The following ADGB variants were observed in gnomAD, a reference collection of about 807,000 sequenced individuals.
ADGB encodes the protein androglobin.
In ADGB, 172 loss-of-function variants were observed where a neutral mutation model predicts 210.5. The ratio of observed to expected loss-of-function variants is 0.82; its 90% CI spans 0.72 to 0.93. The LOEUF (loss-of-function observed/expected upper bound fraction) is 0.93, where lower values mean the gene tolerates loss of function less well. ADGB is among the 40% of genes least tolerant of loss of function. ADGB has a pLI of 0.00. For synonymous variants in ADGB, 658 were observed against 662.7 expected, an observed-to-expected ratio of 0.99 and a Z score of 0.11; for missense variants, 2,025 against 1,964.8, an observed-to-expected ratio of 1.03 and a Z score of -0.58.
At chr6:146,754,372 T>C (rs1777371578) in intron 27 of ADGB, among the ~76,000 whole-genome samples, 1 of 151,674 alleles carries the variant, frequency 6.6e-6, no homozygotes, top group African/African-American at 2.4e-5. Context: ...ATTTATAATC[T>C]ACTTTGTCAA....
chr6:146,726,232 T>C, intron 19 of ADGB, 35 bp downstream of exon 19: 1 of 1,417,004 alleles, frequency 7.1e-7, no homozygotes, highest in Non-Finnish European at 9.7e-7. Context: ...TATTTATTTA[T>C]TTATTTAGAG....
In ADGB at chr6:146,658,612, C is replaced by T. The variant is rs79553969; in HGVS notation, c.612+1632C>T. ...CCCTCCTTGGTTTTCAAATTTCCTC[C>T]TGCATAGGAGTTAACATTCATTAAC... On this transcript the variant is annotated intron_variant, in intron 5 of 35. Coordinates refer to ENST00000397944, the MANE Select transcript of ADGB (RefSeq NM_024694.4). Among the ~76,000 whole-genome samples, 307 of 152,264 alleles carry T rather than the reference C, an allele frequency of 2.0e-3. 7 individuals are homozygous for T. In the East Asian group the frequency reaches 0.033, roughly 16 times the overall value.
At chr6:146,729,327 T>C (rs1171224278) in intron 20 of ADGB, among the ~76,000 whole-genome samples, 1 of 152,238 alleles carries the variant, frequency 6.6e-6, no homozygotes, top group Non-Finnish European at 1.5e-5. Flanking sequence ...TTCTCTCTTC[T>C]TCAATTTTAT....
intron 8 of ADGB, among the ~76,000 whole-genome samples, chr6:146,673,100 C>A (rs1776038650): frequency 6.6e-6 from 1 of 152,140 alleles, no homozygotes; most frequent in African/African-American, 2.4e-5. Context: ...GACAGCGTGA[C>A]AAAATGTAGT....
chr6:146,632,641 C>G (rs1184844622), intron 1 of ADGB, among the ~76,000 whole-genome samples: 1 of 152,156 alleles, frequency 6.6e-6, no homozygotes, highest in Non-Finnish European at 1.5e-5. Context: ...GGCAGAAATA[C>G]AGCTCTGTTG....
At chr6:146,716,851 T>C in intron 14 of ADGB, 32 bp from the exon 15 acceptor site, 1 of 1,503,450 alleles carries the variant, frequency 6.7e-7, no homozygotes, top group African/African-American at 1.4e-5. Context: ...TATTTAACAA[T>C]ATAAGATGTG....
chr6:146,617,275 A>T (rs992706809), intron 1 of ADGB, among the ~76,000 whole-genome samples: 5 of 151,944 alleles, frequency 3.3e-5, no homozygotes, highest in Non-Finnish European at 5.9e-5. Flanking sequence ...AATGCTACCT[A>T]TTTTTGTATG....
chr6:146,714,830 G>A (rs1332843772), intron 13 of ADGB, among the ~76,000 whole-genome samples: 1 of 152,022 alleles, frequency 6.6e-6, no homozygotes, highest in Non-Finnish European at 1.5e-5. Context: ...GACATTACCT[G>A]TAATTAGCCT....
intron 28 of ADGB, among the ~76,000 whole-genome samples, chr6:146,765,189 C>A (rs1396515509): frequency 6.6e-6 from 1 of 151,818 alleles, no homozygotes; most frequent in East Asian, 1.9e-4. Context: ...CATATAGGCA[C>A]CTAATTATCT....
chr6:146,752,249 AAGAG>A (rs1268210014), intron 26 of ADGB, among the ~76,000 whole-genome samples: 1 of 151,950 alleles, frequency 6.6e-6, no homozygotes, highest in Non-Finnish European at 1.5e-5. Flanking sequence ...GAGCAGGAGT[AAGAG>A]AGAGAGAAAG....
intron 33 of ADGB, among the ~76,000 whole-genome samples, chr6:146,791,104 A>G (rs1322354025): frequency 6.6e-6 from 1 of 152,140 alleles, no homozygotes; most frequent in African/African-American, 2.4e-5. Context: ...CTCTTATCCA[A>G]TGTATGGTTT....
At chr6:146,610,217 A>G (rs752662922) in intron 1 of ADGB, among the ~76,000 whole-genome samples, 43 of 152,282 alleles carry the variant, frequency 2.8e-4, no homozygotes, top group Non-Finnish European at 4.9e-4. Context: ...TAAAATGGCT[A>G]TTTCATTTTT....
At chr6:146,727,542 A>G (rs1366412498) in intron 19 of ADGB, among the ~76,000 whole-genome samples, 2 of 152,146 alleles carry the variant, frequency 1.3e-5, no homozygotes, top group Non-Finnish European at 1.5e-5. Context: ...GTCTTCCTTT[A>G]GATAATTTAT....
chr6:146,712,815 G>A (rs533074180), intron 13 of ADGB, among the ~76,000 whole-genome samples: 41 of 152,158 alleles, frequency 2.7e-4, no homozygotes, highest in African/African-American at 9.6e-4. Flanking sequence ...CAGTTCAGTA[G>A]TATTGAATAC....
chr6:146,704,437 A>G (rs1436184982), intron 13 of ADGB, among the ~76,000 whole-genome samples: 1 of 152,000 alleles, frequency 6.6e-6, no homozygotes, highest in African/African-American at 2.4e-5. Flanking sequence ...TCATACATTC[A>G]GCATACATTC....
chr6:146,724,302 G>C lies in ADGB; in HGVS notation c.2212G>C (p.Ala738Pro), dbSNP rs757946854. 15 of 1,543,952 alleles carry C rather than the reference G, an allele frequency of 9.7e-6. No homozygotes were observed. Among genetic ancestry groups the C allele is most frequent in the African/African-American group, 1.4e-5 (1 of 72,580 alleles). ...VLKIHTYATKATVVRLPVGRH... is the reference protein window; with the variant it reads ...VLKIHTYATKPTVVRLPVGRH... ...GAAGATTCACACATATGCTACCAAG[G>C]CTACAGTGGTTCGTCTGCCTGTTGG... is the stretch of plus-strand genomic sequence containing the variant. Residue 738 changes from alanine (A) to proline (P), a missense_variant, in exon 18 of 36, where the codon GCT becomes CCT. By Grantham distance (27) the Ala-to-Pro change is conservative. Coordinates refer to ENST00000397944, the MANE Select transcript of ADGB (RefSeq NM_024694.4).
chr6:146,673,339 CT>C (rs1282897286), intron 8 of ADGB, among the ~76,000 whole-genome samples: 1 of 152,124 alleles, frequency 6.6e-6, no homozygotes, highest in Non-Finnish European at 1.5e-5. Flanking sequence ...TGAGTCATGA[CT>C]GGCAAGAAAT....
chr6:146,661,192 T>A (rs1257367011), intron 5 of ADGB, among the ~76,000 whole-genome samples: 1 of 151,158 alleles, frequency 6.6e-6, no homozygotes, highest in Non-Finnish European at 1.5e-5. Context: ...TTTCTTTTCC[T>A]TTTTCCTTTA....
In ADGB at chr6:146,613,659, C is replaced by T. The variant is rs560776411; in HGVS notation, c.74+14545C>T. 1.2e-4 allele frequency among the ~76,000 whole-genome samples: 18 copies of T among 152,198 alleles called. No homozygotes were observed. The South Asian group carries it at 1.2e-3, about 11-fold the overall frequency. On this transcript the variant is annotated intron_variant, in intron 1 of 35. Transcript: ENST00000397944. ...ATATGTGCATATAAGCAAGATTCAG[C>T]GGTGTTTCTATTGCTTCAAAGTCTG...
Sources: gnomAD v4.1 joint callset for allele counts (sites outside exome capture counted in the v4.1 genomes callset) on GRCh38, gnomAD v4.1.1 for gene constraint, MANE v1.5 for transcripts, NCBI Gene and HGNC (gene_info 2026-07-23, HGNC 2026-07-21) for gene names.